PPARGC1A: variants seen among roughly 807,000 people sequenced by gnomAD.
PPARGC1A encodes peroxisome proliferator-activated receptor gamma coactivator 1-alpha.
In PPARGC1A, 25 loss-of-function variants were observed where a neutral mutation model predicts 88.7. The ratio of observed to expected loss-of-function variants is 0.28; its 90% CI spans 0.21 to 0.39. The LOEUF (loss-of-function observed/expected upper bound fraction) is 0.39, where lower values mean the gene tolerates loss of function less well. PPARGC1A is among the 10% of genes least tolerant of loss of function. PPARGC1A has a pLI of 1.00. For synonymous variants in PPARGC1A, 363 were observed against 355.6 expected (o/e 1.02, Z -0.24); for missense variants, 880 against 968.7 (o/e 0.91, Z 1.22).
chr4:23,979,985 G>C, the PPARGC1A span, among the ~76,000 whole-genome samples: 1 of 152,012 alleles, frequency 6.6e-6, no homozygotes, highest in African/African-American at 2.4e-5. Flanking sequence ...GGGGTAATTA[G>C]GGGAATTAGC....
At chr4:23,922,129 C>T in the PPARGC1A span, among the ~76,000 whole-genome samples, 1 of 152,206 alleles carries the variant, frequency 6.6e-6, no homozygotes, top group African/African-American at 2.4e-5. Context: ...AAATGCTACA[C>T]AAACACCTAA....
the PPARGC1A span, among the ~76,000 whole-genome samples, chr4:23,939,356 G>A: frequency 6.6e-6 from 1 of 152,106 alleles, no homozygotes; most frequent in African/African-American, 2.4e-5. Flanking sequence ...CTAATTCATT[G>A]ACAGATGGGC....
the PPARGC1A span, among the ~76,000 whole-genome samples, chr4:24,342,178 C>T: frequency 1.3e-5 from 2 of 152,104 alleles, no homozygotes; most frequent in African/African-American, 4.8e-5. Flanking sequence ...AATAAACAGG[C>T]ACTTGATAAA....
the PPARGC1A span, among the ~76,000 whole-genome samples, chr4:24,193,805 GC>G: frequency 6.6e-6 from 1 of 152,222 alleles, no homozygotes; most frequent in African/African-American, 2.4e-5. Context: ...CAAGCACAGT[GC>G]CTCCTACAGA....
At chr4:24,167,571 C>G in the PPARGC1A span, among the ~76,000 whole-genome samples, 4 of 152,156 alleles carry the variant, frequency 2.6e-5, no homozygotes, top group Admixed American at 2.6e-4. Context: ...ATTGATGAGG[C>G]AAACTTCTCT....
At chr4:23,907,933 C>T (rs756440742), upstream of PPARGC1A, among the ~76,000 whole-genome samples, 6 of 152,074 alleles carry the variant, frequency 3.9e-5, no homozygotes, top group Non-Finnish European at 7.3e-5. Flanking sequence ...GCCTTGCGCA[C>T]ATGGAGAAGG....
At chr4:23,929,633 C>T in the PPARGC1A span, among the ~76,000 whole-genome samples, 1 of 152,244 alleles carries the variant, frequency 6.6e-6, no homozygotes, top group Middle Eastern at 3.4e-3. Context: ...AAGTGCGGCA[C>T]CCATTATGGA....
the PPARGC1A span, among the ~76,000 whole-genome samples, chr4:24,102,609 T>C: frequency 2.0e-5 from 3 of 152,222 alleles, no homozygotes; most frequent in Non-Finnish European, 2.9e-5. Flanking sequence ...TTTAGAAGGC[T>C]TACGGAGTGG....
At chr4:24,371,743 C>T in the PPARGC1A span, among the ~76,000 whole-genome samples, 1 of 149,942 alleles carries the variant, frequency 6.7e-6, no homozygotes, top group Non-Finnish European at 1.5e-5. Context: ...GAGTTCAAGA[C>T]TAGCCTGGCC....
chr4:24,249,371 G>A, the PPARGC1A span, among the ~76,000 whole-genome samples: 3,294 of 152,036 alleles, frequency 0.022, 117 homozygotes, highest in African/African-American at 0.075. Flanking sequence ...CAATTTTCTG[G>A]TCACCGTGAC....
the PPARGC1A span, among the ~76,000 whole-genome samples, chr4:24,064,037 C>T: frequency 1.3e-5 from 2 of 152,188 alleles, no homozygotes; most frequent in African/African-American, 2.4e-5. Context: ...CAGACGCCCA[C>T]ATCTGAACTG....
chr4:23,849,599 G>A (rs111981749), intron 2 of PPARGC1A, among the ~76,000 whole-genome samples: 4,244 of 152,030 alleles, frequency 0.028, 91 homozygotes, highest in Non-Finnish European at 0.044. Context: ...GATGATAAGG[G>A]AAGAAAAAAT....
the PPARGC1A span, among the ~76,000 whole-genome samples, chr4:24,438,092 T>A: frequency 6.6e-6 from 1 of 152,128 alleles, no homozygotes; most frequent in South Asian, 2.1e-4. Context: ...GAGTCCAGGA[T>A]TGGACCAGGG....
At chr4:24,445,399 A>T in the PPARGC1A span, among the ~76,000 whole-genome samples, 1 of 152,170 alleles carries the variant, frequency 6.6e-6, no homozygotes, top group African/African-American at 2.4e-5. Context: ...TATCTTGACA[A>T]TTCCTTTTTG....
the PPARGC1A span, among the ~76,000 whole-genome samples, chr4:24,290,786 G>A: frequency 0.064 from 9,772 of 152,108 alleles, 892 homozygotes; most frequent in African/African-American, 0.2. Flanking sequence ...GATGATTCCT[G>A]TATACAGCCC....
At chr4:24,107,168 T>C in the PPARGC1A span, among the ~76,000 whole-genome samples, 3 of 152,250 alleles carry the variant, frequency 2.0e-5, no homozygotes, top group African/African-American at 7.2e-5. Flanking sequence ...TAAAAGCACA[T>C]TGCTATATTA....
At chr4:23,877,231 A>G (rs1714890627) in intron 2 of PPARGC1A, among the ~76,000 whole-genome samples, 1 of 151,920 alleles carries the variant, frequency 6.6e-6, no homozygotes, top group Non-Finnish European at 1.5e-5. Flanking sequence ...AAAAGTTAAA[A>G]GGAGGCCGGG....
the PPARGC1A span, among the ~76,000 whole-genome samples, chr4:24,161,907 A>C: frequency 2.7e-4 from 41 of 151,984 alleles, no homozygotes; most frequent in East Asian, 2.3e-3. Context: ...AACTGCAAAA[A>C]TACGGAACCA....
chr4:23,988,845 CTATG>C, the PPARGC1A span, among the ~76,000 whole-genome samples: 1 of 146,626 alleles, frequency 6.8e-6, no homozygotes, highest in African/African-American at 2.5e-5. Flanking sequence ...TTATATATTA[CTATG>C]TATTTTTTAT....
Sources: gnomAD v4.1 joint callset for allele counts (sites outside exome capture counted in the v4.1 genomes callset) on GRCh38, gnomAD v4.1.1 for gene constraint, MANE v1.5 for transcripts, NCBI Gene and HGNC (gene_info 2026-07-23, HGNC 2026-07-21) for gene names.